The following SCFD2 variants were observed in gnomAD, a reference collection of about 807,000 sequenced individuals.
SCFD2 encodes the protein sec1 family domain-containing protein 2.
A neutral mutation model predicts 58.9 loss-of-function variants in SCFD2; 54 were observed. That is an observed-to-expected ratio of 0.92 (90% CI 0.74 to 1.15). SCFD2 has a LOEUF of 1.15. Among genes scored for constraint, SCFD2 ranks in the 50% most tolerant of loss-of-function variants. SCFD2 has a pLI of 0.00. For missense variants in SCFD2, 805 were observed against 836.6 expected (o/e 0.96, Z 0.47); for synonymous variants, 321 against 335.9 (o/e 0.96, Z 0.49).
At chr4:53,159,321 CTGG>C (rs1482238145) in intron 4 of SCFD2, among the ~76,000 whole-genome samples, 1 of 152,162 alleles carries the variant, frequency 6.6e-6, no homozygotes, top group Non-Finnish European at 1.5e-5. Context: ...AAGATATCAG[CTGG>C]TGAATGTTTG....
intron 5 of SCFD2, among the ~76,000 whole-genome samples, chr4:53,055,396 G>C (rs143157469): frequency 1.7e-4 from 26 of 152,208 alleles, no homozygotes; most frequent in African/African-American, 6.3e-4. Flanking sequence ...TCTCTCCCCT[G>C]TGTTCACTTA....
chr4:52,961,336 C>T (rs939035106), intron 5 of SCFD2, among the ~76,000 whole-genome samples: 23 of 152,074 alleles, frequency 1.5e-4, no homozygotes, highest in African/African-American at 5.6e-4. Flanking sequence ...TTGCTACTAC[C>T]CAGAGAGGGA....
At chr4:53,357,409 A>G (rs1560464579) in intron 1 of SCFD2, among the ~76,000 whole-genome samples, 1 of 151,634 alleles carries the variant, frequency 6.6e-6, no homozygotes, top group Non-Finnish European at 1.5e-5. Flanking sequence ...AGCCTGGGCA[A>G]TAGTGCAAGA....
chr4:53,249,943 C>A (rs151094154), intron 4 of SCFD2, among the ~76,000 whole-genome samples: 2,769 of 152,296 alleles, frequency 0.018, 89 homozygotes, highest in African/African-American at 0.063. Context: ...CAAATTCACA[C>A]ATAACAATGT....
intron 5 of SCFD2, among the ~76,000 whole-genome samples, chr4:53,098,093 T>C (rs996102041): frequency 6.6e-6 from 1 of 152,218 alleles, no homozygotes; most frequent in African/African-American, 2.4e-5. Flanking sequence ...ATAAGCTTTT[T>C]GATGTGCTGC....
intron 5 of SCFD2, among the ~76,000 whole-genome samples, chr4:53,130,637 G>C (rs1326067462): frequency 6.6e-6 from 1 of 152,044 alleles, no homozygotes; most frequent in Non-Finnish European, 1.5e-5. Context: ...TTGGCCAAAG[G>C]GTATCCCATC....
intron 5 of SCFD2, among the ~76,000 whole-genome samples, chr4:53,142,491 C>T (rs1439517981): frequency 6.6e-6 from 1 of 152,158 alleles, no homozygotes; most frequent in Admixed American, 6.5e-5. Context: ...AACATGAGTG[C>T]AAACCTTACG....
intron 5 of SCFD2, among the ~76,000 whole-genome samples, chr4:52,991,599 T>C (rs9994669): frequency 0.46 from 69,436 of 151,596 alleles, 16,167 homozygotes; most frequent in African/African-American, 0.49. Flanking sequence ...GGGAGAGGAG[T>C]TGGATTAAGG....
chr4:52,952,525 T>G (rs1232970018), intron 5 of SCFD2, among the ~76,000 whole-genome samples: 1 of 152,176 alleles, frequency 6.6e-6, no homozygotes, highest in African/African-American at 2.4e-5. Context: ...GAAAAAAGTT[T>G]ATCTTCTCTC....
chr4:53,353,197 A>G (rs969245724), intron 1 of SCFD2, among the ~76,000 whole-genome samples: 3 of 152,176 alleles, frequency 2.0e-5, no homozygotes, highest in African/African-American at 7.2e-5. Context: ...CGCTGGCTTC[A>G]GGAGTGAAGC....
At chr4:53,324,731 G>A (rs1475019531) in intron 2 of SCFD2, among the ~76,000 whole-genome samples, 2 of 152,138 alleles carry the variant, frequency 1.3e-5, no homozygotes, top group Non-Finnish European at 2.9e-5. Flanking sequence ...CTGGGGTGAT[G>A]AGGGCAGGGG....
At chr4:52,926,580 T>C (rs1385354087) in intron 5 of SCFD2, among the ~76,000 whole-genome samples, 5 of 152,250 alleles carry the variant, frequency 3.3e-5, no homozygotes, top group African/African-American at 9.6e-5. Flanking sequence ...TCACATCTGT[T>C]TGGGAAAAGC....
chr4:53,338,687 T>C (rs1181515677), intron 2 of SCFD2, among the ~76,000 whole-genome samples: 2 of 141,912 alleles, frequency 1.4e-5, no homozygotes, highest in Non-Finnish European at 1.5e-5. Flanking sequence ...TTCACGCCAT[T>C]CTCCTGCCTC....
At chr4:53,025,490 A>G (rs1722450418) in intron 5 of SCFD2, among the ~76,000 whole-genome samples, 1 of 152,192 alleles carries the variant, frequency 6.6e-6, no homozygotes, top group East Asian at 1.9e-4. Flanking sequence ...GAGATCACAC[A>G]GTAGGCAGAT....
chr4:52,988,338 G>A (rs756948557), intron 5 of SCFD2, among the ~76,000 whole-genome samples: 5 of 152,180 alleles, frequency 3.3e-5, no homozygotes, highest in Non-Finnish European at 5.9e-5. Flanking sequence ...CTGGGGTAGG[G>A]GAAGAACTGG....
chr4:52,917,423 C>T (rs977974641), intron 6 of SCFD2, among the ~76,000 whole-genome samples: 4 of 152,124 alleles, frequency 2.6e-5, no homozygotes, highest in Non-Finnish European at 5.9e-5. Context: ...GCTAAGTTCT[C>T]TCTCACTAAG....
intron 4 of SCFD2, among the ~76,000 whole-genome samples, chr4:53,235,360 C>T (rs1729565783): frequency 6.6e-6 from 1 of 152,176 alleles, no homozygotes; most frequent in Non-Finnish European, 1.5e-5. Flanking sequence ...TGGCAGGTAC[C>T]AATCTGTGGC....
intron 2 of SCFD2, among the ~76,000 whole-genome samples, chr4:53,318,446 G>A (rs1029736117): frequency 6.6e-6 from 1 of 152,050 alleles, no homozygotes; most frequent in African/African-American, 2.4e-5. Context: ...CTAATATAAA[G>A]ATATTAATCA....
intron 4 of SCFD2, among the ~76,000 whole-genome samples, chr4:53,253,681 T>G (rs866984834): frequency 7.3e-6 from 1 of 137,362 alleles, no homozygotes. Context: ...TAGATGGGAA[T>G]TGAACAATGA....
Sources: gnomAD v4.1 joint callset for allele counts (sites outside exome capture counted in the v4.1 genomes callset) on GRCh38, gnomAD v4.1.1 for gene constraint, MANE v1.5 for transcripts, NCBI Gene and HGNC (gene_info 2026-07-23, HGNC 2026-07-21) for gene names.